Variants in PCDHGA2 observed in about 807,000 individuals in gnomAD.
PCDHGA2 encodes the protein protocadherin gamma-A2.
In PCDHGA2, 40 loss-of-function variants were observed where a neutral mutation model predicts 59.2. The ratio of observed to expected loss-of-function variants is 0.68; its 90% CI spans 0.52 to 0.88. The LOEUF is 0.88. Ranked by LOEUF, PCDHGA2 falls within the 40% of genes least tolerant of loss-of-function variation. The pLI is 0.00. For missense variants in PCDHGA2, 1,226 were observed against 1,204.0 expected (o/e 1.02, Z -0.27); for synonymous variants, 560 against 526.0 (o/e 1.06, Z -0.89).
At chr5:141,505,123 C>T (rs1320836386) in intron 2 of PCDHGA2, among the ~76,000 whole-genome samples, 1 of 152,192 alleles carries the variant, frequency 6.6e-6, no homozygotes, top group African/African-American at 2.4e-5. Flanking sequence ...GATCGCGCCA[C>T]TGCACTCCAG....
chr5:141,461,072 A>G (rs555905734), intron 1 of PCDHGA2, among the ~76,000 whole-genome samples: 2 of 151,574 alleles, frequency 1.3e-5, no homozygotes, highest in Non-Finnish European at 2.9e-5. Flanking sequence ...ACATTTTTGC[A>G]ATTGTGAATT....
At chr5:141,475,892 G>A (rs1279219556) in intron 1 of PCDHGA2, 1 of 568,264 alleles carries the variant, frequency 1.8e-6, no homozygotes, top group Non-Finnish European at 3.1e-6. Context: ...GGGACTCTGT[G>A]TGCCGCTGTC....
chr5:141,508,714 G>A (rs775462794), intron 3 of PCDHGA2, among the ~76,000 whole-genome samples: 16 of 151,880 alleles, frequency 1.1e-4, no homozygotes, highest in Admixed American at 2.0e-4. Context: ...ATTCTTTTCT[G>A]TGTGCAGGGA....
At chr5:141,437,863 G>A (rs2097915247) in intron 1 of PCDHGA2, among the ~76,000 whole-genome samples, 2 of 151,480 alleles carry the variant, frequency 1.3e-5, no homozygotes, top group African/African-American at 2.4e-5. Context: ...TTAGCCTCCC[G>A]AGTAGCTGGG....
intron 1 of PCDHGA2, chr5:141,356,593 A>C: frequency 1.2e-6 from 2 of 1,614,170 alleles, no homozygotes; most frequent in Non-Finnish European, 1.7e-6. Context: ...TCCTGAAAAC[A>C]ACCCCAGAGG....
At chr5:141,426,015 T>G (rs1168777347) in intron 1 of PCDHGA2, among the ~76,000 whole-genome samples, 3 of 152,200 alleles carry the variant, frequency 2.0e-5, no homozygotes, top group African/African-American at 7.2e-5. Flanking sequence ...GGCTGCAGTT[T>G]TCTAAATAGA....
At chr5:141,364,982 G>A (rs745559474) in intron 1 of PCDHGA2, 1 of 1,613,868 alleles carries the variant, frequency 6.2e-7, no homozygotes, top group South Asian at 1.1e-5. Flanking sequence ...TTTAGATGGC[G>A]GAGACCCGGT....
Position 141,371,209 on chromosome 5 carries a change from G to A in PCDHGA2, c.2424+29814G>A, listed in dbSNP as rs143352621. 154 of 1,614,006 alleles carry A rather than the reference G, an allele frequency of 9.5e-5. No individual in the cohort carries two copies. The African/African-American group carries it at 1.8e-3, about 19-fold the overall frequency. ...GTGATGGCCATTGACATGGATGAGG[G>A]CATCAATGCCGAAATCATCTATGCC... On this transcript the variant is annotated intron_variant, in intron 1 of 3. Transcript: ENST00000394576.
At position 141,487,534 on chromosome 5, in the gene PCDHGA2, G is replaced by T; in HGVS notation, c.2425-7273G>T. The T allele has an allele frequency of 6.2e-7, 1 of 1,614,174 alleles. No homozygotes were observed. The highest frequency in any genetic ancestry group is 8.5e-7 in the Non-Finnish European group (1 of 1,180,034). ...CCACTCGGAGTGATAGCTTCATGAT[G>T]GTGAAGTCACCCAGTGCACCTATGG... On this transcript the variant is annotated intron_variant, in intron 1 of 3. Coordinates refer to ENST00000394576, the MANE Select transcript of PCDHGA2 (RefSeq NM_018915.4). This position sits in a 1 kb window ranked among gnomAD's most constrained non-coding sequence, Gnocchi z 5.0.
At chr5:141,420,494 C>T (rs978136090) in intron 1 of PCDHGA2, 6 of 499,392 alleles carry the variant, frequency 1.2e-5, no homozygotes, top group African/African-American at 2.0e-5. Flanking sequence ...GGGTAATCTC[C>T]GGTGACATTT....
chr5:141,370,898 G>A, intron 1 of PCDHGA2: 1 of 1,614,062 alleles, frequency 6.2e-7, no homozygotes, highest in African/African-American at 1.3e-5. Flanking sequence ...ATTCGCTGCA[G>A]CAGTACTACC....
At chr5:141,383,583 C>A (rs1282205134) in intron 1 of PCDHGA2, 11 of 1,613,640 alleles carry the variant, frequency 6.8e-6, no homozygotes, top group Non-Finnish European at 9.3e-6. Context: ...CCGCCCACAT[C>A]CAGGTGACAG....
At chr5:141,352,112 C>T in intron 1 of PCDHGA2, 10 of 1,607,436 alleles carry the variant, frequency 6.2e-6, no homozygotes, top group Non-Finnish European at 8.5e-6. Flanking sequence ...CCTGGGGTTG[C>T]GCACGGGTGA....
intron 1 of PCDHGA2, chr5:141,364,516 C>A: frequency 6.2e-7 from 1 of 1,614,002 alleles, no homozygotes; most frequent in Non-Finnish European, 8.5e-7. Context: ...TGGCGGAGCG[C>A]GGAGTCCGCA....
At position 141,457,041 on chromosome 5, in the gene PCDHGA2, A is replaced by T. The variant is rs151212070; in HGVS notation, c.2425-37766A>T. On this transcript the variant is annotated intron_variant, in intron 1 of 3. Transcript: ENST00000394576. ...AAGTCCTAGTAGACTCAGTGATAGT[A>T]AAACTTTCATGCTTCCTTTTTGCCA... 2.3e-4 allele frequency among the ~76,000 whole-genome samples: 35 copies of T among 152,360 alleles called. No individual in the cohort carries two copies. In the East Asian group the frequency reaches 6.4e-3, roughly 28 times the overall value.
chr5:141,484,219 C>T (rs766309865), intron 1 of PCDHGA2, among the ~76,000 whole-genome samples: 1 of 152,162 alleles, frequency 6.6e-6, no homozygotes, highest in Non-Finnish European at 1.5e-5. Context: ...TAGCATTCTG[C>T]CAGGTAAAGA....
At chr5:141,414,763 C>G in intron 1 of PCDHGA2, 1 of 1,614,258 alleles carries the variant, frequency 6.2e-7, no homozygotes, top group South Asian at 1.1e-5. Flanking sequence ...TGAGCAGTTT[C>G]ATGAGCTACA....
At chr5:141,409,808 G>C in intron 1 of PCDHGA2, 2 of 1,611,624 alleles carry the variant, frequency 1.2e-6, no homozygotes, top group East Asian at 2.2e-5. Context: ...GCAGGCCCGC[G>C]ACCACGGCTC....
intron 2 of PCDHGA2, among the ~76,000 whole-genome samples, chr5:141,501,018 G>A (rs1337771734): frequency 2.0e-5 from 3 of 151,882 alleles, no homozygotes; most frequent in East Asian, 1.9e-4. Context: ...ACAGGCACGC[G>A]CCACCACGCC....
Sources: allele counts gnomAD v4.1 joint callset (sites outside exome capture counted in the v4.1 genomes callset), GRCh38; gene constraint gnomAD v4.1.1; non-coding constraint Gnocchi (gnomAD v3.1); transcripts MANE v1.5; gene names NCBI Gene and HGNC (gene_info 2026-07-23, HGNC 2026-07-21).